ZNF814: variants seen among roughly 807,000 people sequenced by gnomAD.
ZNF814 encodes the protein zinc finger protein 814.
ZNF814 carries 5 observed loss-of-function variants against 7.5 expected under a neutral mutation model. That is an observed-to-expected ratio of 0.67 (90% confidence interval 0.35 to 1.40). The LOEUF (loss-of-function observed/expected upper bound fraction) is 1.40, where lower values mean the gene tolerates loss of function less well. ZNF814 is among the 40% of genes most tolerant of loss of function. The pLI is 0.04. For missense variants in ZNF814, 962 were observed against 1,018.0 expected, an observed-to-expected ratio of 0.94 and a Z score of 0.75; for synonymous variants, 315 against 340.7, an observed-to-expected ratio of 0.92 and a Z score of 0.83.
chr19:57,873,702 A>C lies in ZNF814; in HGVS notation c.1688T>G (p.Leu563Arg), dbSNP rs776246228. ...AGGGTGAACTCGCTGATGTAGAATG[A>C]GGGTGCCTTTATGACTAAAAGATTT... ...CGKSFSHKGT[L>R]ILHQRVHPRE... Residue 563 changes from leucine to arginine, a missense_variant, in exon 3 of 3, where the codon CTC becomes CGC. Coordinates refer to ENST00000435989, the MANE Select transcript of ZNF814 (RefSeq NM_001144989.2). The C allele has an allele frequency of 6.2e-6, 10 of 1,613,528 alleles. No homozygotes were observed. The highest frequency in any genetic ancestry group is 1.1e-5 in the South Asian group (1 of 91,044).
chr19:57,902,852 AT>A, the ZNF814 span, among the ~76,000 whole-genome samples: 48 of 150,684 alleles, frequency 3.2e-4, no homozygotes, highest in Admixed American at 1.1e-3. Context: ...TTATTTATTT[AT>A]TTTTTTTAGT....
chr19:57,878,063 G>C (rs143644100), intron 1 of ZNF814, among the ~76,000 whole-genome samples: 12 of 151,714 alleles, frequency 7.9e-5, no homozygotes, highest in African/African-American at 2.9e-4. Flanking sequence ...CTACTTGGGA[G>C]GCTGAGGCAG....
chr19:57,901,302 C>T, the ZNF814 span, among the ~76,000 whole-genome samples: 1 of 152,172 alleles, frequency 6.6e-6, no homozygotes, highest in African/African-American at 2.4e-5. Context: ...TATACAATTA[C>T]ACCTCGCTTT....
chr19:57,899,241 GA>G, the ZNF814 span, among the ~76,000 whole-genome samples: 1 of 152,270 alleles, frequency 6.6e-6, no homozygotes, highest in South Asian at 2.1e-4. Flanking sequence ...ACTTATGTTG[GA>G]AAAGCTATTA....
At position 57,888,848 on chromosome 19, in the gene ZNF814, C is replaced by A; in HGVS notation, c.-46G>T. 1 of 1,550,046 alleles carries A rather than the reference C, an allele frequency of 6.5e-7. No homozygotes were observed. Among genetic ancestry groups the A allele is most frequent in the Non-Finnish European group, 8.7e-7 (1 of 1,145,716 alleles). On this transcript the variant is annotated 5_prime_UTR_variant, in exon 1 of 3. Transcript: ENST00000435989. Reference sequence around the variant, plus strand: ...AGAGTCGGGAGGATAGGGCGACCAGCCAGGAGATATGGGCACGACGGTCCG... The same window carrying A: ...AGAGTCGGGAGGATAGGGCGACCAGACAGGAGATATGGGCACGACGGTCCG...
At chr19:57,902,586 T>C in the ZNF814 span, among the ~76,000 whole-genome samples, 3 of 83,614 alleles carry the variant, frequency 3.6e-5, no homozygotes, top group South Asian at 1.2e-3. Context: ...TGTTCTCTCT[T>C]TTCTTTCTAA....
At chr19:57,886,705 C>T (rs1342524844) in intron 1 of ZNF814, among the ~76,000 whole-genome samples, 1 of 152,016 alleles carries the variant, frequency 6.6e-6, no homozygotes, top group African/African-American at 2.4e-5. Flanking sequence ...ATGGCGAAAC[C>T]CCATCTCTAC....
chr19:57,880,568 G>C (rs1383703426), intron 1 of ZNF814, among the ~76,000 whole-genome samples: 2 of 147,626 alleles, frequency 1.4e-5, no homozygotes, highest in African/African-American at 5.3e-5. Context: ...TGGCGGAATA[G>C]AAAGCTGCAC....
chr19:57,900,360 T>TATTAC, the ZNF814 span: 4 of 152,208 alleles, frequency 2.6e-5, no homozygotes, highest in Non-Finnish European at 4.4e-5. Context: ...CCCCTTTCTA[T>TATTAC]ATTACTCATA....
chr19:57,896,549 T>C, the ZNF814 span, among the ~76,000 whole-genome samples: 2 of 152,282 alleles, frequency 1.3e-5, no homozygotes, highest in African/African-American at 4.8e-5. The surrounding 1 kb of genome is among the most constrained non-coding windows in gnomAD (Gnocchi z 4.2). Flanking sequence ...TCTGGAGCAA[T>C]TGGTGGTGCT....
In ZNF814 at chr19:57,872,962, CA is replaced by C. The variant is rs2071568764; in HGVS notation, c.2427del (p.Phe809LeufsTer104). ...PYECSECGKS[F>X]AESSSLTKHK... ...TGTTTAGTGAGACTGGAGCTTTCAG[CA>C]AAAGATTTTCCACATTCACTGCACT... On this transcript the variant is annotated frameshift_variant, in exon 3 of 3. Coordinates refer to ENST00000435989, the MANE Select transcript of ZNF814 (RefSeq NM_001144989.2). LOFTEE classifies it low-confidence loss of function (END_TRUNC). The C allele has an allele frequency of 6.2e-7, 1 of 1,613,072 alleles. No individual in the cohort carries two copies. The highest frequency in any genetic ancestry group is 8.5e-7 in the Non-Finnish European group (1 of 1,179,784).
rs1207792797 is a variant in ZNF814, at chr19:57,870,710, GT to G, written c.*2111del. Reference sequence around the variant, plus strand: ...TTAAAAGACATGCATTACGCTGCACGTGGTGGCTCACCTGTAATCCCAGGAC... The same window carrying G: ...TTAAAAGACATGCATTACGCTGCACGGGTGGCTCACCTGTAATCCCAGGAC... On this transcript the variant is annotated 3_prime_UTR_variant, in exon 3 of 3. Coordinates refer to ENST00000435989, the MANE Select transcript of ZNF814 (RefSeq NM_001144989.2). 4 of 152,158 alleles carry G rather than the reference GT, an allele frequency of 2.6e-5. No homozygotes were observed. Among genetic ancestry groups the G allele is most frequent in the African/African-American group, 9.7e-5 (4 of 41,436 alleles). The allele number at this position is 152,158 out of a possible 1,614,324, so 9.4% of individuals were successfully genotyped here.
upstream of ZNF814, among the ~76,000 whole-genome samples, chr19:57,893,540 G>T (rs2071743276): frequency 6.6e-6 from 1 of 151,816 alleles, no homozygotes; most frequent in African/African-American, 2.4e-5. Context: ...ACTTTGGGAG[G>T]CAGAGGCAGG....
At position 57,870,648 on chromosome 19, in the gene ZNF814, TCA is replaced by T. The variant is rs1412695432; in HGVS notation, c.*2172_*2173del. On this transcript the variant is annotated 3_prime_UTR_variant, in exon 3 of 3. Transcript: ENST00000435989. ...GATAATTCCTGTATCTGCATATTCA[TCA>T]TATACGTAGTGACTGGATCATTGTG... 1.3e-5 allele frequency: 2 copies of T among 152,242 alleles called. No individual in the cohort carries two copies. The highest frequency in any genetic ancestry group is 2.9e-5 in the Non-Finnish European group (2 of 68,038). The allele number at this position is 152,242 out of a possible 1,614,324, so 9.4% of individuals were successfully genotyped here.
chr19:57,899,727 A>G, the ZNF814 span, among the ~76,000 whole-genome samples: 2 of 152,222 alleles, frequency 1.3e-5, no homozygotes, highest in African/African-American at 4.8e-5. Flanking sequence ...TACAGTTTTT[A>G]GTTTTTCCTA....
Position 57,871,806 on chromosome 19 carries a change from A to C in ZNF814, c.*1016T>G, listed in dbSNP as rs555827896. On this transcript the variant is annotated 3_prime_UTR_variant, in exon 3 of 3. Coordinates refer to ENST00000435989, the MANE Select transcript of ZNF814 (RefSeq NM_001144989.2). ...TTCTGTGACTCGATCAGAAATTAAAAGTTAAAAAAAAAAAAAAAAAAGGCC... is the reference window on the plus strand; with the variant it reads ...TTCTGTGACTCGATCAGAAATTAAACGTTAAAAAAAAAAAAAAAAAAGGCC... 9.7e-5 allele frequency: 12 copies of C among 123,126 alleles called. No individual in the cohort carries two copies. Among genetic ancestry groups the C allele is most frequent in the African/African-American group, 4.1e-4 (12 of 29,118 alleles). The allele number at this position is 123,126 out of a possible 1,614,324, so 7.6% of individuals were successfully genotyped here. A position where few individuals can be genotyped will look rare whatever the true frequency, so the allele number is the denominator to read the frequency against.
chr19:57,888,688 G>C, intron 1 of ZNF814, 79 bp downstream of exon 1: 2 of 1,525,274 alleles, frequency 1.3e-6, no homozygotes, highest in Non-Finnish European at 1.8e-6. Context: ...GGGCTGCAGA[G>C]CCGTGAACAG....
upstream of ZNF814, chr19:57,889,039 G>T (rs2071717489): frequency 3.7e-6 from 2 of 533,540 alleles, no homozygotes; most frequent in South Asian, 2.9e-5. Context: ...AATCAAAATG[G>T]CCGCCACCAG....
Position 57,874,115 on chromosome 19 carries a change from T to C in ZNF814, c.1275A>G (p.Gln425=). Residue 425 remains glutamine (Q), a synonymous_variant, in exon 3 of 3, where the codon CAA becomes CAG. Coordinates refer to ENST00000435989, the MANE Select transcript of ZNF814 (RefSeq NM_001144989.2). ...KSFSQKSSLI[Q]HQRFHTGEKP... Reference sequence around the variant, plus strand: ...TTTCTCCAGTGTGAAATCGCTGATGTTGAATGAGGCTGCTCTTTTGACTAA... The same window carrying C: ...TTTCTCCAGTGTGAAATCGCTGATGCTGAATGAGGCTGCTCTTTTGACTAA... 6.2e-7 allele frequency: 1 copy of C among 1,600,280 alleles called. No individual in the cohort carries two copies. Among genetic ancestry groups the C allele is most frequent in the Non-Finnish European group, 8.5e-7 (1 of 1,173,272 alleles).
Sources: allele counts gnomAD v4.1 joint callset (sites outside exome capture counted in the v4.1 genomes callset), GRCh38; gene constraint gnomAD v4.1.1; non-coding constraint Gnocchi (gnomAD v3.1); transcripts MANE v1.5; gene names NCBI Gene and HGNC (gene_info 2026-07-23, HGNC 2026-07-21).